RBFOX1: variants seen among roughly 807,000 people sequenced by gnomAD.
RBFOX1 encodes the protein RNA binding protein fox-1 homolog 1.
RBFOX1 carries 8 observed loss-of-function variants against 57.7 expected under a neutral mutation model. That is an observed-to-expected ratio of 0.14 (90% CI 0.08 to 0.25). The LOEUF (loss-of-function observed/expected upper bound fraction) is 0.25. Ranked by LOEUF, RBFOX1 falls within the 10% of genes least tolerant of loss-of-function variation. The pLI, the probability that RBFOX1 is intolerant of heterozygous loss-of-function variation, is 1.00. For missense variants in RBFOX1, 611 were observed against 548.5 expected (o/e 1.11, Z -1.14); for synonymous variants, 326 against 222.4 (o/e 1.47, Z -4.15).
At chr16:6,836,459 C>G (rs2093103461) in intron 3 of RBFOX1, among the ~76,000 whole-genome samples, 1 of 152,214 alleles carries the variant, frequency 6.6e-6, no homozygotes, top group Non-Finnish European at 1.5e-5. Flanking sequence ...TTCTGCTTAG[C>G]TCTGTGCAGA....
intron 2 of RBFOX1, among the ~76,000 whole-genome samples, chr16:6,587,850 T>A (rs1339056432): frequency 1.3e-5 from 2 of 152,204 alleles, no homozygotes; most frequent in Non-Finnish European, 1.5e-5. Context: ...CTACCCTCCG[T>A]CTTCCCATAT....
intron 4 of RBFOX1, among the ~76,000 whole-genome samples, chr16:7,337,237 C>A (rs1348779148): frequency 1.3e-5 from 2 of 152,086 alleles, no homozygotes; most frequent in Non-Finnish European, 2.9e-5. Context: ...CACCAAGCTA[C>A]CCTCTAGGTT....
chr16:6,131,447 A>C (rs2096629052), intron 1 of RBFOX1, among the ~76,000 whole-genome samples: 1 of 152,216 alleles, frequency 6.6e-6, no homozygotes, highest in South Asian at 2.1e-4. Context: ...CTTTCTAGAA[A>C]GCTTACTACC....
chr16:7,383,970 C>G (rs2097832870), intron 4 of RBFOX1, among the ~76,000 whole-genome samples: 1 of 151,610 alleles, frequency 6.6e-6, no homozygotes, highest in Non-Finnish European at 1.5e-5. Flanking sequence ...AGGAGAATCA[C>G]TTGAACCCAG....
intron 14 of RBFOX1, among the ~76,000 whole-genome samples, chr16:7,704,212 T>C (rs186628699): frequency 1.3e-5 from 2 of 152,250 alleles, no homozygotes; most frequent in East Asian, 3.9e-4. Context: ...TGCTTCCCAG[T>C]TTTAACTTGT....
At chr16:7,058,696 AATT>A (rs1166821588) in intron 4 of RBFOX1, among the ~76,000 whole-genome samples, 2 of 152,164 alleles carry the variant, frequency 1.3e-5, no homozygotes, top group Non-Finnish European at 2.9e-5. Flanking sequence ...AAAGGTTCTT[AATT>A]ATTGTTGGAT....
intron 2 of RBFOX1, among the ~76,000 whole-genome samples, chr16:6,555,114 A>G (rs1212187599): frequency 6.6e-6 from 1 of 152,166 alleles, no homozygotes; most frequent in Non-Finnish European, 1.5e-5. Context: ...GGGTGCCTCC[A>G]TTCTTATGTC....
chr16:6,171,226 G>A (rs928769381), intron 1 of RBFOX1, among the ~76,000 whole-genome samples: 2 of 152,138 alleles, frequency 1.3e-5, no homozygotes, highest in Non-Finnish European at 2.9e-5. Flanking sequence ...ACATATGTGG[G>A]ATGATTCTAC....
intron 3 of RBFOX1, among the ~76,000 whole-genome samples, chr16:6,667,702 C>T (rs1027064919): frequency 2.0e-5 from 3 of 151,942 alleles, no homozygotes; most frequent in Non-Finnish European, 4.4e-5. Flanking sequence ...GCAACATATA[C>T]CCTATTTCTG....
At chr16:7,380,202 A>G (rs1296316295) in intron 4 of RBFOX1, among the ~76,000 whole-genome samples, 4 of 152,192 alleles carry the variant, frequency 2.6e-5, no homozygotes, top group Non-Finnish European at 5.9e-5. Flanking sequence ...GAACTATATC[A>G]CATCATGATT....
At chr16:7,567,149 C>CT (rs56209742) in intron 5 of RBFOX1, among the ~76,000 whole-genome samples, 1,454 of 93,068 alleles carry the variant, frequency 0.016, 51 homozygotes, top group Middle Eastern at 0.033. Context: ...CCATATATAT[C>CT]CCTATATATA....
chr16:6,018,996 A>C, upstream of RBFOX1: 1 of 748,128 alleles, frequency 1.3e-6, no homozygotes, highest in Non-Finnish European at 1.6e-6. Flanking sequence ...GGCGAGGGGA[A>C]GGGGGAGGGG....
intron 1 of RBFOX1, among the ~76,000 whole-genome samples, chr16:6,050,285 T>C (rs2095539477): frequency 6.6e-6 from 1 of 152,164 alleles, no homozygotes; most frequent in Non-Finnish European, 1.5e-5. Flanking sequence ...TTAATCAGTC[T>C]TTCTCCCATA....
At chr16:7,303,755 C>G (rs2142107976) in intron 4 of RBFOX1, among the ~76,000 whole-genome samples, 1 of 146,728 alleles carries the variant, frequency 6.8e-6, no homozygotes. Flanking sequence ...TTTACCCTCC[C>G]TCTCGCTCTC....
At chr16:6,915,680 A>T (rs551182459) in intron 3 of RBFOX1, among the ~76,000 whole-genome samples, 91 of 151,406 alleles carry the variant, frequency 6.0e-4, no homozygotes, top group Non-Finnish European at 1.0e-3. Context: ...CCTTCAGAGT[A>T]GCTGTGAGTA....
At chr16:5,804,986 G>A (rs373159908) in intron 3 of RBFOX1, among the ~76,000 whole-genome samples, 12 of 152,092 alleles carry the variant, frequency 7.9e-5, no homozygotes, top group Non-Finnish European at 1.5e-5. Context: ...GGAAAATTTT[G>A]TAGATGAAGT....
chr16:6,413,624 T>C lies in RBFOX1; in HGVS notation c.-64+96567T>C, dbSNP rs937406578. Among the ~76,000 whole-genome samples the C allele has an allele frequency of 2.6e-5, 4 of 152,262 alleles. No individual in the cohort carries two copies. The East Asian group carries it at 7.7e-4, about 29-fold the overall frequency. On this transcript the variant is annotated intron_variant, in intron 2 of 15. Transcript: ENST00000550418. The stretch of plus-strand genomic sequence containing the variant: ...ACAGAGAAAGAAAGAAAGAAAAAAG[T>C]GTTTGTGAAAAGATTCTAAATAAAG...
intron 3 of RBFOX1, among the ~76,000 whole-genome samples, chr16:6,703,164 C>T (rs913446583): frequency 1.3e-5 from 2 of 152,110 alleles, no homozygotes; most frequent in African/African-American, 4.8e-5. Context: ...ATGTTTTGTT[C>T]ATTTCTCTGT....
rs563293509 is a variant in RBFOX1, at chr16:7,191,663, T to C, written c.27+139565T>C. ...TAGGCATATCATTACAGTGCGTGTT[T>C]CCGTCAGAAGGGCATGCTCACGATT... On this transcript the variant is annotated intron_variant, in intron 4 of 15. Coordinates refer to ENST00000550418, the MANE Select transcript of RBFOX1 (RefSeq NM_018723.4). 5.9e-5 allele frequency among the ~76,000 whole-genome samples: 9 copies of C among 152,378 alleles called. No homozygotes were observed. The East Asian group carries it at 9.6e-4, about 16-fold the overall frequency.
Sources: allele counts gnomAD v4.1 joint callset (sites outside exome capture counted in the v4.1 genomes callset), GRCh38; gene constraint gnomAD v4.1.1; transcripts MANE v1.5; gene names NCBI Gene and HGNC (gene_info 2026-07-23, HGNC 2026-07-21).